Variants in PPP2R1A observed in about 807,000 individuals in gnomAD.
PPP2R1A encodes serine/threonine-protein phosphatase 2A 65 kDa regulatory subunit A alpha isoform.
In PPP2R1A, 15 loss-of-function variants were observed where a neutral mutation model predicts 67.1. The ratio of observed to expected loss-of-function variants is 0.22; its 90% CI spans 0.15 to 0.34. The LOEUF is 0.34. Among genes scored for constraint, PPP2R1A ranks in the 10% least tolerant of loss-of-function variants. The pLI is 1.00. For synonymous variants in PPP2R1A, 337 were observed against 325.0 expected, an observed-to-expected ratio of 1.04 and a Z score of -0.40; for missense variants, 369 against 775.0, an observed-to-expected ratio of 0.48 and a Z score of 6.22.
chr19:52,205,651 C>A (rs1353581195), intron 2 of PPP2R1A, among the ~76,000 whole-genome samples: 1 of 152,190 alleles, frequency 6.6e-6, no homozygotes, highest in African/African-American at 2.4e-5. Flanking sequence ...CTCACTGTAA[C>A]CGTTGCTACG....
intron 1 of PPP2R1A, among the ~76,000 whole-genome samples, chr19:52,194,402 C>A (rs1476244119): frequency 6.6e-6 from 1 of 152,108 alleles, no homozygotes. Flanking sequence ...CAAGTGAGGC[C>A]TGTGGGCCAA....
intron 2 of PPP2R1A, among the ~76,000 whole-genome samples, chr19:52,202,501 C>G (rs1042314856): frequency 9.2e-5 from 14 of 152,226 alleles, no homozygotes; most frequent in South Asian, 2.1e-4. Flanking sequence ...GCTGCCTGTA[C>G]TCAGTAAACA....
chr19:52,199,656 C>T (rs1486893436), intron 1 of PPP2R1A, among the ~76,000 whole-genome samples: 3 of 152,150 alleles, frequency 2.0e-5, no homozygotes, highest in Non-Finnish European at 4.4e-5. Flanking sequence ...TTCAGTGCCA[C>T]GCAAGCAGAG....
intron 2 of PPP2R1A, 118 bp downstream of exon 2, chr19:52,202,152 C>A: frequency 1.2e-6 from 1 of 848,122 alleles, no homozygotes; most frequent in South Asian, 1.5e-5. Context: ...CTGTGTTAGA[C>A]ACTATGGAGT....
intron 9 of PPP2R1A, among the ~76,000 whole-genome samples, chr19:52,218,002 G>T (rs1341404815): frequency 1.3e-5 from 2 of 152,192 alleles, no homozygotes; most frequent in Non-Finnish European, 2.9e-5. Flanking sequence ...GAGGCTGTGG[G>T]AGTCTGGAAG....
intron 2 of PPP2R1A, among the ~76,000 whole-genome samples, chr19:52,203,337 AC>A (rs1359843029): frequency 1.3e-5 from 2 of 152,174 alleles, no homozygotes; most frequent in Non-Finnish European, 2.9e-5. Flanking sequence ...CTATTGGTGA[AC>A]TGTTGGGGAG....
chr19:52,196,770 G>A (rs958363939), intron 1 of PPP2R1A, among the ~76,000 whole-genome samples: 6 of 152,134 alleles, frequency 3.9e-5, no homozygotes, highest in African/African-American at 1.4e-4. Context: ...ACCATTATGC[G>A]CTGGTTGTAT....
At chr19:52,194,999 A>G (rs1192612873) in intron 1 of PPP2R1A, among the ~76,000 whole-genome samples, 1 of 152,166 alleles carries the variant, frequency 6.6e-6, no homozygotes, top group African/African-American at 2.4e-5. Context: ...CCCAGTGAGA[A>G]TGGATCAGTA....
chr19:52,221,019 G>A lies in PPP2R1A; in HGVS notation c.1404G>A (p.Lys468=). The A allele has an allele frequency of 6.2e-7, 1 of 1,614,230 alleles. No individual in the cohort carries two copies. Among genetic ancestry groups the A allele is most frequent in the Admixed American group, 1.7e-5 (1 of 60,032 alleles). Residue 468 remains lysine (K), a synonymous_variant, in exon 12 of 15, where the codon AAG becomes AAA. Coordinates refer to ENST00000322088, the MANE Select transcript of PPP2R1A (RefSeq NM_014225.6). ...IREAATSNLK[K]LVEKFGKEWA... ...AGGCAGCCACCAGCAACCTGAAGAA[G>A]CTAGTGGAAAAGTTTGGGAAGGAGT...
intron 9 of PPP2R1A, among the ~76,000 whole-genome samples, chr19:52,218,759 C>T (rs1386361406): frequency 1.3e-5 from 2 of 152,202 alleles, no homozygotes; most frequent in Admixed American, 6.5e-5. Context: ...GATCCAGGCT[C>T]AGCCCAGTTT....
At position 52,212,910 on chromosome 19, in the gene PPP2R1A, A is replaced by G. The variant is rs370814580; in HGVS notation, c.652-45A>G. ...CCCATGAAAGAGAATCCCAGAGCTCAGCAAGGCCTCTGCTGCCCTCCCACT... is the reference window on the plus strand; with the variant it reads ...CCCATGAAAGAGAATCCCAGAGCTCGGCAAGGCCTCTGCTGCCCTCCCACT... On this transcript the variant is annotated intron_variant, in intron 5 of 14. Transcript: ENST00000322088. This position sits in a 1 kb window ranked among gnomAD's most constrained non-coding sequence, Gnocchi z 4.1. 2.4e-5 allele frequency: 38 copies of G among 1,567,986 alleles called. No individual in the cohort carries two copies. Among genetic ancestry groups the G allele is most frequent in the Non-Finnish European group, 3.3e-5 (38 of 1,155,702 alleles).
rs749010282 is a variant in PPP2R1A, at chr19:52,213,125, G to A, written c.807+15G>A. The A allele has an allele frequency of 7.8e-6, 12 of 1,539,466 alleles. No homozygotes were observed. The highest frequency in any genetic ancestry group is 6.2e-5 in the South Asian group (5 of 80,836). ...AGTTCACAGAGGTAGATGAGCGACC[G>A]TTGACATTGTCCCACTGGTGGGGAC... On this transcript the variant is annotated intron_variant, in intron 6 of 14. Transcript: ENST00000322088. The surrounding 1 kb of genome is among the most constrained non-coding windows in gnomAD (Gnocchi z 4.2).
chr19:52,202,884 G>T (rs1048574256), intron 2 of PPP2R1A, among the ~76,000 whole-genome samples: 1 of 152,212 alleles, frequency 6.6e-6, no homozygotes, highest in Non-Finnish European at 1.5e-5. Context: ...AGTACGTGCC[G>T]CCTAAGCGAT....
chr19:52,226,529 T>G lies in PPP2R1A; in HGVS notation c.*548T>G. 1 of 214,942 alleles carries G rather than the reference T, an allele frequency of 4.7e-6. No homozygotes were observed. The highest frequency in any genetic ancestry group is 9.4e-6 in the Non-Finnish European group (1 of 106,706). The allele number at this position is 214,942 out of a possible 1,614,324, so 13.3% of individuals were successfully genotyped here. A position where few individuals can be genotyped will look rare whatever the true frequency, so the allele number is the denominator to read the frequency against. On this transcript the variant is annotated 3_prime_UTR_variant, in exon 15 of 15. Transcript: ENST00000322088. ...CTTGTTACAGGACCCATTATACCCCTATGTCCCGAAAGAATACTCTGGGGA... is the reference window on the plus strand; with the variant it reads ...CTTGTTACAGGACCCATTATACCCCGATGTCCCGAAAGAATACTCTGGGGA...
chr19:52,204,612 A>G (rs1307646056), intron 2 of PPP2R1A, among the ~76,000 whole-genome samples: 2 of 152,182 alleles, frequency 1.3e-5, no homozygotes, highest in East Asian at 1.9e-4. Flanking sequence ...GATAAAGATG[A>G]ATAAGAATTG....
intron 2 of PPP2R1A, 62 bp downstream of exon 2, chr19:52,202,096 T>TA (rs1440554202): frequency 7.3e-7 from 1 of 1,375,958 alleles, no homozygotes; most frequent in African/African-American, 1.4e-5. Flanking sequence ...TTTCACTATA[T>TA]AAGAGAAGAC....
intron 3 of PPP2R1A, among the ~76,000 whole-genome samples, chr19:52,207,932 A>G (rs1267671683): frequency 7.9e-5 from 12 of 152,094 alleles, no homozygotes; most frequent in Admixed American, 7.9e-4. Context: ...TGGGATGGGA[A>G]GTTGTCAGGG....
chr19:52,214,846 C>T lies in PPP2R1A; in HGVS notation c.808-933C>T, dbSNP rs112949593. ...GACTCAAGTGATTCTCGTGCCTTAG[C>T]CTCCTGAGTAGCTGGAATTACAGGT... On this transcript the variant is annotated intron_variant, in intron 6 of 14. Transcript: ENST00000322088. 6.7e-3 allele frequency among the ~76,000 whole-genome samples: 1,015 copies of T among 152,090 alleles called. 13 individuals are homozygous for T. Among genetic ancestry groups the T allele is most frequent in the African/African-American group, 0.023 (965 of 41,470 alleles).
chr19:52,224,955 C>T lies in PPP2R1A; in HGVS notation c.1662-762C>T, dbSNP rs561398697. The stretch of plus-strand genomic sequence containing the variant: ...GCCTCAAGTGGTCTGCCCACCTTGG[C>T]GTCCCAAAGTGCTAGGATTACAGGC... On this transcript the variant is annotated intron_variant, in intron 13 of 14. Transcript: ENST00000322088. Among the ~76,000 whole-genome samples, 87 of 150,156 alleles carry T rather than the reference C, an allele frequency of 5.8e-4. 1 individual carries two copies. In the South Asian group the frequency reaches 0.018, roughly 31 times the overall value.
Sources: gnomAD v4.1 joint callset for allele counts (sites outside exome capture counted in the v4.1 genomes callset) on GRCh38, gnomAD v4.1.1 for gene constraint, Gnocchi (gnomAD v3.1) non-coding constraint, MANE v1.5 for transcripts, NCBI Gene and HGNC (gene_info 2026-07-23, HGNC 2026-07-21) for gene names.